The following KIF26B variants were observed in gnomAD, a reference collection of about 807,000 sequenced individuals.
KIF26B encodes the protein kinesin-like protein KIF26B.
Under a neutral mutation model 151.2 loss-of-function variants are expected in KIF26B, and 63 were observed. The observed-to-expected ratio is 0.42, with a 90% CI of 0.34 to 0.51. KIF26B has a LOEUF of 0.51. Among genes scored for constraint, KIF26B ranks in the 20% least tolerant of loss-of-function variants. KIF26B has a pLI of 0.07. For missense variants in KIF26B, 2,813 were observed against 2,913.6 expected (o/e 0.97, Z 0.79); for synonymous variants, 1,357 against 1,262.1 (o/e 1.08, Z -1.59).
In KIF26B at chr1:245,471,129, G is replaced by GTATA. The variant is rs199865579; in HGVS notation, c.1166+51385_1166+51386insATAT. ...ATTTTGATAGTATGTGTGTGTGTGT[G>GTATA]TGTATATATATATATATTTGAGAAG... is the stretch of plus-strand genomic sequence containing the variant. On this transcript the variant is annotated intron_variant, in intron 4 of 14. Transcript: ENST00000407071. Among the ~76,000 whole-genome samples, 3 of 145,148 alleles carry GTATA rather than the reference G, an allele frequency of 2.1e-5. No homozygotes were observed. In the Admixed American group the frequency reaches 2.1e-4, roughly 10 times the overall value.
chr1:245,221,999 A>C (rs1163514236), intron 2 of KIF26B, among the ~76,000 whole-genome samples: 1 of 152,244 alleles, frequency 6.6e-6, no homozygotes, highest in East Asian at 1.9e-4. Context: ...TGGCAGAGAC[A>C]GAGAGGGAAA....
chr1:245,349,723 A>C (rs878972737), intron 2 of KIF26B, among the ~76,000 whole-genome samples: 1 of 152,204 alleles, frequency 6.6e-6, no homozygotes, highest in Admixed American at 6.5e-5. Context: ...TATTTGCAGA[A>C]AAAGCAACTA....
intron 2 of KIF26B, among the ~76,000 whole-genome samples, chr1:245,179,526 A>C (rs1668867722): frequency 6.6e-6 from 1 of 152,176 alleles, no homozygotes; most frequent in Non-Finnish European, 1.5e-5. Flanking sequence ...CGGGAGGCTG[A>C]GGCAGGAGAA....
intron 4 of KIF26B, among the ~76,000 whole-genome samples, chr1:245,494,176 G>A (rs955078590): frequency 9.9e-5 from 15 of 152,032 alleles, no homozygotes; most frequent in African/African-American, 3.4e-4. Flanking sequence ...CATGGTGGTG[G>A]GAGCCTGTAA....
At chr1:245,317,512 T>C (rs559393436) in intron 2 of KIF26B, among the ~76,000 whole-genome samples, 32 of 152,310 alleles carry the variant, frequency 2.1e-4, no homozygotes, top group African/African-American at 7.7e-4. Context: ...GAAAAGAAAC[T>C]GAATGGAGCC....
chr1:245,204,272 G>A (rs1017669983), intron 2 of KIF26B, among the ~76,000 whole-genome samples: 2 of 152,170 alleles, frequency 1.3e-5, no homozygotes, highest in African/African-American at 4.8e-5. Flanking sequence ...TCATACAGGA[G>A]ACTTTCCAGT....
chr1:245,595,478 T>C (rs1303250061), intron 5 of KIF26B, among the ~76,000 whole-genome samples: 1 of 152,230 alleles, frequency 6.6e-6, no homozygotes, highest in African/African-American at 2.4e-5. Context: ...GATTTGCGTA[T>C]GTTGAACCAG....
chr1:245,580,100 T>C (rs1373270165), intron 5 of KIF26B, among the ~76,000 whole-genome samples: 1 of 152,188 alleles, frequency 6.6e-6, no homozygotes, highest in African/African-American at 2.4e-5. Context: ...GTCATTACCA[T>C]AATGCTCTGA....
intron 2 of KIF26B, among the ~76,000 whole-genome samples, chr1:245,231,443 G>C (rs1669995654): frequency 1.3e-5 from 2 of 152,166 alleles, no homozygotes; most frequent in Non-Finnish European, 2.9e-5. Flanking sequence ...TTGATCCCGG[G>C]AGGTGGAGGT....
At chr1:245,308,948 A>T (rs1671612485) in intron 2 of KIF26B, among the ~76,000 whole-genome samples, 2 of 152,224 alleles carry the variant, frequency 1.3e-5, no homozygotes, top group South Asian at 2.1e-4. Flanking sequence ...TGGGTAAAGG[A>T]GTCAGTGACA....
At chr1:245,357,425 TGA>T (rs930532537) in intron 2 of KIF26B, among the ~76,000 whole-genome samples, 4 of 152,318 alleles carry the variant, frequency 2.6e-5, no homozygotes, top group African/African-American at 9.6e-5. Flanking sequence ...AAGTGCTGTG[TGA>T]GTCAGTGAAG....
intron 3 of KIF26B, among the ~76,000 whole-genome samples, chr1:245,402,139 C>T (rs532139506): frequency 1.3e-5 from 2 of 152,256 alleles, no homozygotes; most frequent in East Asian, 1.9e-4. Flanking sequence ...CTGTTCTCCA[C>T]GTTGGTAGCT....
chr1:245,259,598 A>G (rs536523989), intron 2 of KIF26B, among the ~76,000 whole-genome samples: 57 of 152,206 alleles, frequency 3.7e-4, no homozygotes, highest in Non-Finnish European at 6.2e-4. Flanking sequence ...TCAACCTCCT[A>G]TGATGTTCAG....
chr1:245,197,391 G>A (rs1386566704), intron 2 of KIF26B, among the ~76,000 whole-genome samples: 3 of 152,124 alleles, frequency 2.0e-5, no homozygotes, highest in South Asian at 2.1e-4. Flanking sequence ...GGCAGGCTTC[G>A]TTCCCAGGTT....
intron 10 of KIF26B, among the ~76,000 whole-genome samples, chr1:245,674,907 G>T (rs1455721962): frequency 6.6e-6 from 1 of 152,074 alleles, no homozygotes; most frequent in Non-Finnish European, 1.5e-5. Context: ...AAGCAATTAG[G>T]GTCCAACTAC....
At chr1:245,505,239 ATTT>A (rs10536611) in intron 4 of KIF26B, among the ~76,000 whole-genome samples, 7 of 148,394 alleles carry the variant, frequency 4.7e-5, no homozygotes, top group African/African-American at 1.2e-4. Context: ...CGCCTCGCCT[ATTT>A]TTTTTTTTTT....
intron 3 of KIF26B, among the ~76,000 whole-genome samples, chr1:245,389,713 GT>G (rs763133048): frequency 6.6e-6 from 1 of 152,098 alleles, no homozygotes; most frequent in African/African-American, 2.4e-5. Context: ...TTAAATGTTG[GT>G]TTTTTCTATT....
intron 8 of KIF26B, among the ~76,000 whole-genome samples, chr1:245,609,892 G>A (rs1384551585): frequency 1.3e-5 from 2 of 152,144 alleles, no homozygotes; most frequent in Non-Finnish European, 2.9e-5. Flanking sequence ...CGGGGCTGTT[G>A]ATGACTCTAT....
intron 5 of KIF26B, among the ~76,000 whole-genome samples, chr1:245,594,144 T>C (rs1294499301): frequency 6.6e-6 from 1 of 152,246 alleles, no homozygotes; most frequent in Non-Finnish European, 1.5e-5. Context: ...TGATAGTTTC[T>C]TTTGCTGTGC....
Sources: allele counts gnomAD v4.1 joint callset (sites outside exome capture counted in the v4.1 genomes callset), GRCh38; gene constraint gnomAD v4.1.1; transcripts MANE v1.5; gene names NCBI Gene and HGNC (gene_info 2026-07-23, HGNC 2026-07-21).